Variants in MRTFA observed in about 807,000 individuals in gnomAD.
The protein encoded by MRTFA is myocardin related transcription factor A.
MRTFA carries 20 observed loss-of-function variants against 83.5 expected under a neutral mutation model. That is an observed-to-expected ratio of 0.24 (90% CI 0.17 to 0.35). MRTFA has a LOEUF of 0.35. Ranked by LOEUF, MRTFA falls within the 10% of genes least tolerant of loss-of-function variation. The pLI, the probability that MRTFA is intolerant of heterozygous loss-of-function variation, is 1.00. For missense variants in MRTFA, 1,200 were observed against 1,224.7 expected (o/e 0.98, Z 0.30); for synonymous variants, 659 against 541.2 (o/e 1.22, Z -3.02).
intron 1 of MRTFA, among the ~76,000 whole-genome samples, chr22:40,600,793 C>T (rs1053422379): frequency 5.9e-5 from 9 of 152,152 alleles, no homozygotes; most frequent in Non-Finnish European, 1.0e-4. Flanking sequence ...GCCTGGCCAA[C>T]GTAGTGAAAC....
intron 2 of MRTFA, among the ~76,000 whole-genome samples, chr22:40,579,636 G>A (rs538197131): frequency 6.6e-6 from 1 of 152,194 alleles, no homozygotes; most frequent in South Asian, 2.1e-4. Context: ...AAGGTGGGTG[G>A]ATCACCTGAG....
chr22:40,597,070 T>C (rs1183134182), intron 1 of MRTFA, among the ~76,000 whole-genome samples: 1 of 152,180 alleles, frequency 6.6e-6, no homozygotes, highest in Non-Finnish European at 1.5e-5. Flanking sequence ...AGTTAAAACA[T>C]TTGGTTGTCC....
chr22:40,441,723 G>T (rs1446281024), intron 4 of MRTFA, among the ~76,000 whole-genome samples: 1 of 151,820 alleles, frequency 6.6e-6, no homozygotes, highest in Non-Finnish European at 1.5e-5. Context: ...GGAGGCGAAG[G>T]TTGCAGTGAG....
chr22:40,419,353 C>T lies in MRTFA; in HGVS notation c.1385G>A (p.Arg462Gln), dbSNP rs1447256661. ...TTTGGTGCCCGAGACAGGCAGTGATCGCAACTTCAGCTCCTGCTTCAGCTC... is the reference window on the plus strand; with the variant it reads ...TTTGGTGCCCGAGACAGGCAGTGATTGCAACTTCAGCTCCTGCTTCAGCTC... Residue 462 changes from arginine to glutamine, a missense_variant, in exon 12 of 15, where the codon CGA becomes CAA. Transcript: ENST00000355630. The T allele has an allele frequency of 1.2e-6, 2 of 1,613,818 alleles. No individual in the cohort carries two copies. Among genetic ancestry groups the T allele is most frequent in the Non-Finnish European group, 1.7e-6 (2 of 1,180,012 alleles).
At chr22:40,413,137 CAAAAAAAAAAAAAAAA>C (rs35119560) in intron 14 of MRTFA, among the ~76,000 whole-genome samples, 1 of 28,138 alleles carries the variant, frequency 3.6e-5, no homozygotes, top group South Asian at 1.4e-3. Flanking sequence ...CACCCTGTCT[CAAAAAAAAAAAAAAAA>C]AAAAAAAAAA....
chr22:40,418,797 C>T lies in MRTFA; in HGVS notation c.1941G>A (p.Leu647=). The T allele has an allele frequency of 1.2e-6, 2 of 1,601,136 alleles. No individual in the cohort carries two copies. The highest frequency in any genetic ancestry group is 1.7e-6 in the Non-Finnish European group (2 of 1,176,622). Residue 647 remains leucine (L), a synonymous_variant, in exon 12 of 15, where the codon CTG becomes CTA. Transcript: ENST00000355630. ...CCAGCTGCAGCTTGAGCCGCTCCAC[C>T]AGCTGCTGCTTCTGCCGGAGCATGC...
chr22:40,581,944 C>T (rs949376189), intron 2 of MRTFA, among the ~76,000 whole-genome samples: 3 of 152,120 alleles, frequency 2.0e-5, no homozygotes, highest in Non-Finnish European at 2.9e-5. Context: ...CTATAAAATT[C>T]GCCCTTTCGA....
At position 40,423,808 on chromosome 22, in the gene MRTFA, C is replaced by A. The variant is rs1286455559; in HGVS notation, c.778-123G>T. 3.2e-6 allele frequency: 3 copies of A among 935,522 alleles called. No individual in the cohort carries two copies. The East Asian group carries it at 8.9e-5, about 28-fold the overall frequency. The allele number at this position is 935,522 out of a possible 1,614,324, so 58.0% of individuals were successfully genotyped here. A position where few individuals can be genotyped will look rare whatever the true frequency, so the allele number is the denominator to read the frequency against. On this transcript the variant is annotated intron_variant, in intron 8 of 14. Coordinates refer to ENST00000355630, the MANE Select transcript of MRTFA (RefSeq NM_020831.6). ...TCAGAGGGCAAATGGTGGGCAGAGA[C>A]CGGAGGAGGAGAAGAGCAACCCCCA... is the stretch of plus-strand genomic sequence containing the variant.
At chr22:40,569,376 G>C (rs578069376) in intron 2 of MRTFA, 1 of 206,236 alleles carries the variant, frequency 4.8e-6, no homozygotes, top group Non-Finnish European at 1.1e-5. Flanking sequence ...ACCAGGAATG[G>C]CTGGCAGAAA....
intron 1 of MRTFA, among the ~76,000 whole-genome samples, chr22:40,611,302 T>C (rs1038632071): frequency 4.6e-5 from 7 of 152,070 alleles, no homozygotes; most frequent in African/African-American, 1.4e-4. Context: ...AGTGGCACAA[T>C]CTTTGCTCAC....
intron 5 of MRTFA, among the ~76,000 whole-genome samples, chr22:40,434,840 G>C (rs2053137380): frequency 6.6e-6 from 1 of 152,158 alleles, no homozygotes; most frequent in African/African-American, 2.4e-5. Context: ...GAGTGTGAGG[G>C]GGAAGCAAGT....
chr22:40,620,891 A>C (rs1212445169), intron 1 of MRTFA, among the ~76,000 whole-genome samples: 1 of 152,136 alleles, frequency 6.6e-6, no homozygotes, highest in Non-Finnish European at 1.5e-5. Context: ...GAAATAAAGG[A>C]AGGCTGTTGG....
intron 4 of MRTFA, among the ~76,000 whole-genome samples, chr22:40,451,844 A>T (rs73167052): frequency 0.086 from 13,118 of 152,110 alleles, 819 homozygotes; most frequent in East Asian, 0.24. Flanking sequence ...CAATTTTTTT[A>T]AAAAAGCTAC....
At chr22:40,446,621 G>A (rs977720832) in intron 4 of MRTFA, among the ~76,000 whole-genome samples, 1 of 152,160 alleles carries the variant, frequency 6.6e-6, no homozygotes, top group Non-Finnish European at 1.5e-5. Flanking sequence ...ACTAACAGTG[G>A]GGAAGTCAGG....
In MRTFA at chr22:40,478,402, G is replaced by C. The variant is rs557788885; in HGVS notation, c.242-15116C>G. Among the ~76,000 whole-genome samples, 22 of 152,242 alleles carry C rather than the reference G, an allele frequency of 1.4e-4. 1 individual carries two copies. The highest frequency in any genetic ancestry group is 5.3e-4 in the African/African-American group (22 of 41,518). Reference sequence around the variant, plus strand: ...CTAACATTAGGGGCAACTGGATCAAGGATACACAGGAACTCTCCGTACTAT... The same window carrying C: ...CTAACATTAGGGGCAACTGGATCAACGATACACAGGAACTCTCCGTACTAT... On this transcript the variant is annotated intron_variant, in intron 3 of 14. Transcript: ENST00000355630.
rs1200028799 is a variant in MRTFA at position 40,471,732 on chromosome 22, C to T, written c.242-8446G>A. Among the ~76,000 whole-genome samples, 4 of 151,600 alleles carry T rather than the reference C, an allele frequency of 2.6e-5. No individual in the cohort carries two copies. The East Asian group carries it at 7.8e-4, about 30-fold the overall frequency. On this transcript the variant is annotated intron_variant, in intron 3 of 14. Transcript: ENST00000355630. ...ACTGCCTCTACAAAAATGAGCCAGG[C>T]ATGGTGGCAAGTGCCTGTTGTCCAA...
Position 40,411,311 on chromosome 22 carries a change from G to A in MRTFA, c.*79C>T. On this transcript the variant is annotated 3_prime_UTR_variant, in exon 15 of 15. Coordinates refer to ENST00000355630, the MANE Select transcript of MRTFA (RefSeq NM_020831.6). ...GTCAAGACTCACAACCATGTGGAGA[G>A]GCCGAATCACGCAGGAGAGCCACGC... 1 of 1,430,298 alleles carries A rather than the reference G, an allele frequency of 7.0e-7. No individual in the cohort carries two copies. The highest frequency in any genetic ancestry group is 9.4e-7 in the Non-Finnish European group (1 of 1,061,478). The allele number at this position is 1,430,298 out of a possible 1,614,324, so 88.6% of individuals were successfully genotyped here.
intron 3 of MRTFA, among the ~76,000 whole-genome samples, chr22:40,478,229 T>C (rs764020002): frequency 6.6e-6 from 1 of 152,160 alleles, no homozygotes; most frequent in African/African-American, 2.4e-5. Context: ...TTAAATGCAA[T>C]GTGGTATCCT....
intron 4 of MRTFA, among the ~76,000 whole-genome samples, chr22:40,462,775 T>C (rs2053738802): frequency 6.6e-6 from 1 of 152,190 alleles, no homozygotes; most frequent in Non-Finnish European, 1.5e-5. Context: ...TCACTCTACA[T>C]AAAACTGTGG....
Sources: gnomAD v4.1 joint callset for allele counts (sites outside exome capture counted in the v4.1 genomes callset) on GRCh38, gnomAD v4.1.1 for gene constraint, MANE v1.5 for transcripts, NCBI Gene and HGNC (gene_info 2026-07-23, HGNC 2026-07-21) for gene names.